The following PDE4B variants were observed in gnomAD, a reference collection of about 807,000 sequenced individuals.
The protein encoded by PDE4B is 3',5'-cyclic-AMP phosphodiesterase 4B.
In PDE4B, 20 loss-of-function variants were observed where a neutral mutation model predicts 82.2. That is an observed-to-expected ratio of 0.24 (90% CI 0.17 to 0.35). PDE4B has a LOEUF of 0.35. Ranked by LOEUF, PDE4B falls within the 10% of genes least tolerant of loss-of-function variation. The probability of loss-of-function intolerance (pLI) is 1.00; values close to 1 mark genes in which losing one functional copy is unlikely to be tolerated. For synonymous variants in PDE4B, 320 were observed against 318.9 expected (o/e 1.00, Z -0.04); for missense variants, 655 against 907.2 (o/e 0.72, Z 3.57).
intron 3 of PDE4B, among the ~76,000 whole-genome samples, chr1:66,160,186 A>G (rs1646582629): frequency 6.6e-6 from 1 of 152,186 alleles, no homozygotes. Flanking sequence ...GTAGAGGAGT[A>G]GGACTGAGAG....
At chr1:66,303,597 C>T (rs1658063118) in intron 7 of PDE4B, among the ~76,000 whole-genome samples, 1 of 152,066 alleles carries the variant, frequency 6.6e-6, no homozygotes, top group Non-Finnish European at 1.5e-5. Flanking sequence ...CCATCCAAGA[C>T]AGTACCATTT....
rs75151253 is a variant in PDE4B, at chr1:66,345,049, C to T, written c.748-10478C>T. ...GAAGCATCCCTTCCTGCATACACAG[C>T]GCTCTTACCTGTGTTCTCGTATGAC... On this transcript the variant is annotated intron_variant, in intron 8 of 16. Coordinates refer to ENST00000341517, the MANE Select transcript of PDE4B (RefSeq NM_002600.4). Among the ~76,000 whole-genome samples the T allele has an allele frequency of 8.4e-3, 1,279 of 152,316 alleles. 8 individuals are homozygous for T. Among genetic ancestry groups the T allele is most frequent in the Non-Finnish European group, 0.013 (889 of 68,022 alleles).
intron 3 of PDE4B, among the ~76,000 whole-genome samples, chr1:66,215,735 T>C (rs1031745867): frequency 6.6e-6 from 1 of 152,102 alleles, no homozygotes; most frequent in Non-Finnish European, 1.5e-5. Context: ...CAGGGAGAAC[T>C]CTTCTGGACC....
chr1:66,081,804 A>G (rs2100961965), intron 3 of PDE4B, among the ~76,000 whole-genome samples: 1 of 93,722 alleles, frequency 1.1e-5, no homozygotes, highest in Admixed American at 1.3e-4. Flanking sequence ...AGTGAAAAGT[A>G]AAACTCTCTC....
chr1:65,961,022 T>C (rs1362243230), intron 3 of PDE4B, among the ~76,000 whole-genome samples: 1 of 152,158 alleles, frequency 6.6e-6, no homozygotes, highest in African/African-American at 2.4e-5. Context: ...AAATGTACAC[T>C]GTTTTAGGCA....
chr1:65,930,411 T>A (rs1168890389), intron 3 of PDE4B, among the ~76,000 whole-genome samples: 1 of 152,170 alleles, frequency 6.6e-6, no homozygotes, highest in Admixed American at 6.5e-5. Flanking sequence ...GAATGATAGA[T>A]CCACTGGCAG....
chr1:66,075,368 A>G (rs1308248751), intron 3 of PDE4B, among the ~76,000 whole-genome samples: 6 of 151,792 alleles, frequency 4.0e-5, no homozygotes, highest in African/African-American at 1.5e-4. Context: ...GAGTATCATT[A>G]TTGCTGGGTC....
chr1:65,828,017 T>G (rs993332421), intron 1 of PDE4B, among the ~76,000 whole-genome samples: 1 of 152,072 alleles, frequency 6.6e-6, no homozygotes, highest in African/African-American at 2.4e-5. Flanking sequence ...AGAAAAAAAT[T>G]GTCAAGCCAG....
intron 3 of PDE4B, among the ~76,000 whole-genome samples, chr1:66,012,920 C>A (rs1473438352): frequency 6.6e-6 from 1 of 152,016 alleles, no homozygotes; most frequent in Non-Finnish European, 1.5e-5. Flanking sequence ...TCATTTAATC[C>A]TCACAGTAAC....
At chr1:66,307,871 G>C (rs888269817) in intron 7 of PDE4B, among the ~76,000 whole-genome samples, 4 of 152,112 alleles carry the variant, frequency 2.6e-5, no homozygotes, top group African/African-American at 9.7e-5. Flanking sequence ...GCAAATGTCT[G>C]CTTGCCATTT....
At chr1:65,862,851 G>A (rs1646470134) in intron 1 of PDE4B, among the ~76,000 whole-genome samples, 1 of 152,130 alleles carries the variant, frequency 6.6e-6, no homozygotes, top group East Asian at 1.9e-4. Flanking sequence ...GGTGTTTATA[G>A]TATTCTTTGA....
intron 3 of PDE4B, among the ~76,000 whole-genome samples, chr1:65,967,475 T>C (rs758724979): frequency 6.6e-6 from 1 of 152,174 alleles, no homozygotes; most frequent in Non-Finnish European, 1.5e-5. Flanking sequence ...GAAGACAGTG[T>C]AGCAATTCCT....
intron 3 of PDE4B, among the ~76,000 whole-genome samples, chr1:66,233,066 A>G (rs1025123115): frequency 2.6e-5 from 4 of 152,206 alleles, no homozygotes; most frequent in African/African-American, 9.6e-5. Context: ...AGCTATCATT[A>G]CATTGAAGAT....
intron 3 of PDE4B, among the ~76,000 whole-genome samples, chr1:66,076,908 A>T (rs191584126): frequency 7.0e-4 from 105 of 150,334 alleles, no homozygotes; most frequent in African/African-American, 2.5e-3. Flanking sequence ...TAGATTCTGG[A>T]TGTTTGGCCC....
At chr1:65,797,136 A>G (rs1645641064) in intron 1 of PDE4B, among the ~76,000 whole-genome samples, 1 of 151,210 alleles carries the variant, frequency 6.6e-6, no homozygotes, top group Non-Finnish European at 1.5e-5. Flanking sequence ...TGTATTTTTT[A>G]GTAGAGACGG....
intron 1 of PDE4B, among the ~76,000 whole-genome samples, chr1:65,890,663 G>A (rs1400718615): frequency 6.6e-6 from 1 of 151,930 alleles, no homozygotes; most frequent in African/African-American, 2.4e-5. Context: ...AGAGTGGTGG[G>A]GTTTAAGCTA....
intron 3 of PDE4B, among the ~76,000 whole-genome samples, chr1:66,204,830 C>T (rs1570465615): frequency 1.3e-5 from 2 of 152,344 alleles, no homozygotes; most frequent in East Asian, 3.9e-4. Flanking sequence ...CTTCAGCTCG[C>T]TCACGGTGTG....
intron 3 of PDE4B, among the ~76,000 whole-genome samples, chr1:66,174,532 C>T (rs895729384): frequency 3.3e-5 from 5 of 151,968 alleles, no homozygotes; most frequent in East Asian, 1.9e-4. Flanking sequence ...CCGAGGCGGG[C>T]GGATCACAAG....
At chr1:66,198,771 C>T (rs960971993) in intron 3 of PDE4B, among the ~76,000 whole-genome samples, 1 of 151,952 alleles carries the variant, frequency 6.6e-6, no homozygotes, top group Non-Finnish European at 1.5e-5. Flanking sequence ...TCCCCCCACC[C>T]CACAACAGTC....
Sources: allele counts gnomAD v4.1 joint callset (sites outside exome capture counted in the v4.1 genomes callset), GRCh38; gene constraint gnomAD v4.1.1; transcripts MANE v1.5; gene names NCBI Gene and HGNC (gene_info 2026-07-23, HGNC 2026-07-21).